The following FOXO3 variants were observed in gnomAD, a reference collection of about 807,000 sequenced individuals.
FOXO3 encodes forkhead box O3.
In FOXO3, 4 loss-of-function variants were observed where a neutral mutation model predicts 41.9. The ratio of observed to expected loss-of-function variants is 0.10; its 90% CI spans 0.05 to 0.22. FOXO3 has a LOEUF of 0.22. Among genes scored for constraint, FOXO3 ranks in the 10% least tolerant of loss-of-function variants. FOXO3 has a pLI of 1.00. For synonymous variants in FOXO3, 318 were observed against 389.3 expected (o/e 0.82, Z 2.16); for missense variants, 534 against 906.8 (o/e 0.59, Z 5.28).
intron 2 of FOXO3, among the ~76,000 whole-genome samples, chr6:108,666,015 G>T (rs1485421585): frequency 6.8e-6 from 1 of 147,832 alleles, no homozygotes; most frequent in Non-Finnish European, 1.5e-5. Context: ...CAAAGATCAG[G>T]CAGTGTGATG....
At chr6:108,667,771 A>G (rs1452722689) in intron 2 of FOXO3, among the ~76,000 whole-genome samples, 1 of 152,194 alleles carries the variant, frequency 6.6e-6, no homozygotes, top group African/African-American at 2.4e-5. Flanking sequence ...TTTTGAGAAG[A>G]TAACTTCTTC....
In FOXO3 at chr6:108,561,797, A is replaced by G; in HGVS notation, c.589A>G (p.Lys197Glu). ...GCGTTGCGTGCCCTACTTCAAGGAT[A>G]AGGGCGACAGCAACAGCTCTGCCGG... ...MVRCVPYFKD[K>E]GDSNSSAGWK... The change falls in exon 1 of 3, where the codon AAG becomes GAG. Residue 197 changes from lysine (K) to glutamate (E), a missense_variant. Transcript: ENST00000406360. 1 of 1,594,486 alleles carries G rather than the reference A, an allele frequency of 6.3e-7. No individual in the cohort carries two copies. Among genetic ancestry groups the G allele is most frequent in the Non-Finnish European group, 8.5e-7 (1 of 1,171,674 alleles).
rs750317711 is a variant in FOXO3 at position 108,663,659 on chromosome 6, A to G, written c.826A>G (p.Thr276Ala). The G allele has an allele frequency of 8.1e-6, 13 of 1,612,968 alleles. No individual in the cohort carries two copies. The highest frequency in any genetic ancestry group is 1.1e-5 in the Non-Finnish European group (13 of 1,179,430). The change falls in exon 2 of 3, where the codon ACA (threonine) becomes GCA (alanine). Residue 276 changes from threonine to alanine, a missense_variant. Around this residue, in one of 8 missense-constraint regions of FOXO3, gnomAD observed 77 missense variants for 193.2 expected, o/e 0.40. Transcript: ENST00000406360. Reference sequence around the variant, plus strand: ...AGCCAAGAAGAAGGCAGCCCTGCAGACAGCCCCCGAATCAGCTGACGACAG... The same window carrying G: ...AGCCAAGAAGAAGGCAGCCCTGCAGGCAGCCCCCGAATCAGCTGACGACAG... Reference protein sequence around the residue: ...RAAKKKAALQTAPESADDSPS... With the variant: ...RAAKKKAALQAAPESADDSPS...
At chr6:108,659,395 C>T (rs913125251) in intron 1 of FOXO3, among the ~76,000 whole-genome samples, 2 of 152,018 alleles carry the variant, frequency 1.3e-5, no homozygotes, top group Non-Finnish European at 2.9e-5. Flanking sequence ...GGTAAGAGGC[C>T]TATATGAAAG....
chr6:108,584,035 G>T (rs1776506277), intron 1 of FOXO3, among the ~76,000 whole-genome samples: 1 of 152,134 alleles, frequency 6.6e-6, no homozygotes, highest in South Asian at 2.1e-4. Flanking sequence ...CATGTCCAGG[G>T]CTCATGTGAC....
chr6:108,591,965 A>G (rs1479510479), intron 1 of FOXO3, among the ~76,000 whole-genome samples: 1 of 152,214 alleles, frequency 6.6e-6, no homozygotes, highest in African/African-American at 2.4e-5. Flanking sequence ...GGAACACGCC[A>G]CAGATACATA....
At chr6:108,623,886 C>T (rs1471750991) in intron 1 of FOXO3, among the ~76,000 whole-genome samples, 1 of 152,194 alleles carries the variant, frequency 6.6e-6, no homozygotes, top group African/African-American at 2.4e-5. Context: ...ACAGAACAAT[C>T]TGCAAGTTTT....
chr6:108,618,292 C>G (rs1777570619), intron 1 of FOXO3: 1 of 713,150 alleles, frequency 1.4e-6, no homozygotes, highest in African/African-American at 1.7e-5. Flanking sequence ...CCATGATGAG[C>G]ACCGGTTTCT....
Position 108,663,688 on chromosome 6 carries a change from C to A in FOXO3, c.855C>A (p.Pro285=), listed in dbSNP as rs1199539580. Residue 285 remains proline (P), a synonymous_variant, in exon 2 of 3, where the codon CCC becomes CCA. Transcript: ENST00000406360. ...QTAPESADDS[P]SQLSKWPGSP... ...CCCCCGAATCAGCTGACGACAGTCC[C>A]TCCCAGCTCTCCAAGTGGCCTGGCA... 2 of 1,613,300 alleles carry A rather than the reference C, an allele frequency of 1.2e-6. No individual in the cohort carries two copies. The highest frequency in any genetic ancestry group is 2.2e-5 in the South Asian group (2 of 90,988).
Position 108,561,354 on chromosome 6 carries a change from G to A in FOXO3, c.146G>A (p.Gly49Glu), listed in dbSNP as rs994576735. The A allele has an allele frequency of 1.9e-6, 3 of 1,568,388 alleles. No individual in the cohort carries two copies. The highest frequency in any genetic ancestry group is 2.7e-5 in the African/African-American group (2 of 73,704). The change falls in exon 1 of 3, where the codon GGG becomes GAG. Residue 49 changes from glycine to glutamate, a missense_variant. Around this residue, in one of 8 missense-constraint regions of FOXO3, gnomAD observed 139 missense variants for 163.7 expected, o/e 0.85. Coordinates refer to ENST00000406360, the MANE Select transcript of FOXO3 (RefSeq NM_001455.4). ...CAAGCGAGCCCTGCCAAGCCCTCGG[G>A]GGAGACGGCCGCCGACTCCATGATC... ...ELQASPAKPS[G>E]ETAADSMIPE...
At chr6:108,674,784 C>A (rs1309638299) in intron 2 of FOXO3, among the ~76,000 whole-genome samples, 2 of 152,070 alleles carry the variant, frequency 1.3e-5, no homozygotes, top group East Asian at 1.9e-4. Context: ...ATCCCACAGG[C>A]CTTTACCAGC....
chr6:108,611,371 G>C (rs1777359614), intron 1 of FOXO3, among the ~76,000 whole-genome samples: 2 of 152,154 alleles, frequency 1.3e-5, no homozygotes. Context: ...ATGTATTTGT[G>C]ATAAATGCCT....
intron 1 of FOXO3, among the ~76,000 whole-genome samples, chr6:108,591,148 C>G (rs1776723194): frequency 6.6e-6 from 1 of 152,154 alleles, no homozygotes; most frequent in Non-Finnish European, 1.5e-5. Context: ...GTAGCTGGGA[C>G]TTATCGGGTG....
At chr6:108,574,828 C>G (rs1051132396) in intron 1 of FOXO3, among the ~76,000 whole-genome samples, 1 of 152,154 alleles carries the variant, frequency 6.6e-6, no homozygotes, top group African/African-American at 2.4e-5. Context: ...CCATTTTGTT[C>G]TGTGTATGTT....
At chr6:108,653,014 GA>G (rs1778587929) in intron 1 of FOXO3, among the ~76,000 whole-genome samples, 1 of 152,070 alleles carries the variant, frequency 6.6e-6, no homozygotes, top group Non-Finnish European at 1.5e-5. Context: ...TCTTATTCTA[GA>G]GACCTTAAAG....
chr6:108,639,267 A>C (rs973067253), intron 1 of FOXO3, among the ~76,000 whole-genome samples: 1 of 152,176 alleles, frequency 6.6e-6, no homozygotes, highest in Non-Finnish European at 1.5e-5. Flanking sequence ...TGCAAAGCAT[A>C]ATCTCTTTCC....
chr6:108,657,405 AG>A (rs1778718577), intron 1 of FOXO3, among the ~76,000 whole-genome samples: 1 of 152,174 alleles, frequency 6.6e-6, no homozygotes, highest in Admixed American at 6.5e-5. Flanking sequence ...TAGCTTCTTT[AG>A]TGAGTAACTG....
At chr6:108,655,752 G>GCC (rs1778666346) in intron 1 of FOXO3, among the ~76,000 whole-genome samples, 3 of 152,218 alleles carry the variant, frequency 2.0e-5, no homozygotes, top group African/African-American at 7.2e-5. Flanking sequence ...GAAGCTAGCT[G>GCC]TTTGCAGTGC....
chr6:108,615,392 C>A lies in FOXO3; in HGVS notation c.622-48063C>A, dbSNP rs113311775. On this transcript the variant is annotated intron_variant, in intron 1 of 2. Transcript: ENST00000406360. ...TAGGTATAAATTTCTAGATTGGTAG[C>A]TTTTTCCCTCTCTTAGTAAGGATGT... is the stretch of plus-strand genomic sequence containing the variant. Among the ~76,000 whole-genome samples the A allele has an allele frequency of 7.6e-3, 1,148 of 151,952 alleles. 9 individuals are homozygous for A. Among genetic ancestry groups the A allele is most frequent in the Non-Finnish European group, 0.014 (929 of 67,970 alleles).
Sources: allele counts gnomAD v4.1 joint callset (sites outside exome capture counted in the v4.1 genomes callset), GRCh38; gene constraint gnomAD v4.1.1; regional missense constraint gnomAD v4.1.1; transcripts MANE v1.5; gene names NCBI Gene and HGNC (gene_info 2026-07-23, HGNC 2026-07-21).